Variants in FNDC7 observed in about 807,000 individuals in gnomAD.
FNDC7 encodes the protein fibronectin type III domain-containing protein 7.
Under a neutral mutation model 74.2 loss-of-function variants are expected in FNDC7, and 66 were observed. The ratio of observed to expected loss-of-function variants is 0.89; its 90% CI spans 0.73 to 1.09. The LOEUF is 1.09. FNDC7 is among the 50% of genes least tolerant of loss of function. The pLI is 0.00. For synonymous variants in FNDC7, 307 were observed against 330.2 expected (o/e 0.93, Z 0.76); for missense variants, 829 against 893.4 (o/e 0.93, Z 0.92).
chr1:108,715,667 G>GTGCA (rs1660956799), intron 2 of FNDC7, among the ~76,000 whole-genome samples: 1 of 111,756 alleles, frequency 8.9e-6, no homozygotes, highest in Non-Finnish European at 2.1e-5. Flanking sequence ...GTGCGTGCGC[G>GTGCA]CGCGCACACA....
At chr1:108,733,645 C>A in intron 10 of FNDC7, 113 bp downstream of exon 10, 185 of 728,692 alleles carry the variant, frequency 2.5e-4, no homozygotes, top group Middle Eastern at 4.6e-4. Context: ...TATAAAATTT[C>A]TTTCTTTTTT....
chr1:108,732,331 G>A (rs1018563754), intron 9 of FNDC7, among the ~76,000 whole-genome samples: 141 of 113,912 alleles, frequency 1.2e-3, no homozygotes, highest in African/African-American at 5.0e-3. Flanking sequence ...AACAGAGCGA[G>A]ACTCCGTCTC....
chr1:108,730,247 C>T (rs976754208), intron 8 of FNDC7, among the ~76,000 whole-genome samples: 11 of 151,712 alleles, frequency 7.3e-5, no homozygotes, highest in Non-Finnish European at 1.5e-4. Context: ...CATGGTGGCA[C>T]GCACCTGTAG....
intron 10 of FNDC7, among the ~76,000 whole-genome samples, chr1:108,736,502 A>G (rs1310462591): frequency 6.6e-6 from 1 of 152,226 alleles, no homozygotes; most frequent in Non-Finnish European, 1.5e-5. Context: ...GTTGCCTGAT[A>G]TATTTGAAAT....
In FNDC7 at chr1:108,722,330, T is replaced by C; in HGVS notation, c.599-5T>C. On this transcript the variant is annotated splice_region_variant and splice_polypyrimidine_tract_variant and intron_variant, in intron 4 of 12. Transcript: ENST00000370017. ...CAAAATCTTAATTGTTTCTCTAAAATGTAGGTCCTCGGGCCCCTGCCAACA... is the reference window on the plus strand; with the variant it reads ...CAAAATCTTAATTGTTTCTCTAAAACGTAGGTCCTCGGGCCCCTGCCAACA... The C allele has an allele frequency of 6.3e-7, 1 of 1,586,152 alleles. No individual in the cohort carries two copies. Among genetic ancestry groups the C allele is most frequent in the Non-Finnish European group, 8.6e-7 (1 of 1,166,532 alleles).
rs909749208 is a variant in FNDC7 at position 108,722,627 on chromosome 1, G to A, written c.856+35G>A. ...CAAGAGTGAGACTGCTGTCGGGCTTGCAGCCCTGACTGCTGTAAGGGAGAC... is the reference window on the plus strand; with the variant it reads ...CAAGAGTGAGACTGCTGTCGGGCTTACAGCCCTGACTGCTGTAAGGGAGAC... On this transcript the variant is annotated intron_variant, in intron 5 of 12. Transcript: ENST00000370017. 5 of 1,586,038 alleles carry A rather than the reference G, an allele frequency of 3.2e-6. No homozygotes were observed. The African/African-American group carries it at 6.7e-5, about 21-fold the overall frequency.
rs1661673143 is a variant in FNDC7, at chr1:108,742,528, G to C, written c.*641G>C. ...ATCTATGGGAGCATCTGGGAAAGCA[G>C]AGCTGCCAGCCTGTTGCTAGAAGGG... On this transcript the variant is annotated 3_prime_UTR_variant, in exon 13 of 13. Coordinates refer to ENST00000370017, the MANE Select transcript of FNDC7 (RefSeq NM_001144937.3). 6.6e-6 allele frequency: 1 copy of C among 152,234 alleles called. No homozygotes were observed. The highest frequency in any genetic ancestry group is 1.5e-5 in the Non-Finnish European group (1 of 68,050). 9.4% of individuals were successfully genotyped at this position (152,234 alleles called of 1,614,324 possible). A position where few individuals can be genotyped will look rare whatever the true frequency, so the allele number is the denominator to read the frequency against.
chr1:108,727,038 A>G (rs528068132), intron 6 of FNDC7, among the ~76,000 whole-genome samples: 1 of 152,272 alleles, frequency 6.6e-6, no homozygotes, highest in African/African-American at 2.4e-5. Flanking sequence ...AGACCTACCT[A>G]TATACGGCCG....
chr1:108,732,410 T>C (rs1661408614), intron 9 of FNDC7, among the ~76,000 whole-genome samples: 1 of 151,686 alleles, frequency 6.6e-6, no homozygotes, highest in Non-Finnish European at 1.5e-5. Flanking sequence ...ACTTGGTCAC[T>C]GGCATGTTGT....
chr1:108,739,035 T>C (rs185226613), intron 11 of FNDC7, among the ~76,000 whole-genome samples: 1 of 151,912 alleles, frequency 6.6e-6, no homozygotes, highest in Admixed American at 6.6e-5. Context: ...GTGTCCTAGG[T>C]CCCCAGGGGA....
intron 3 of FNDC7, 68 bp downstream of exon 3, chr1:108,718,099 G>A (rs1661020164): frequency 3.3e-6 from 5 of 1,522,894 alleles, no homozygotes; most frequent in Non-Finnish European, 3.5e-6. Flanking sequence ...TCCTGGTGCT[G>A]CAAATGCAGA....
chr1:108,725,357 G>A (rs988555829), intron 5 of FNDC7, among the ~76,000 whole-genome samples: 1 of 152,042 alleles, frequency 6.6e-6, no homozygotes, highest in African/African-American at 2.4e-5. Context: ...GTAACTTCTG[G>A]GATATTCATT....
intron 4 of FNDC7, among the ~76,000 whole-genome samples, chr1:108,719,386 G>T (rs1027585253): frequency 4.6e-5 from 7 of 152,182 alleles, no homozygotes; most frequent in Non-Finnish European, 1.0e-4. Context: ...CTGGGTTCAG[G>T]CCAATTAGTA....
At chr1:108,718,711 C>A in intron 3 of FNDC7, 78 bp from the exon 4 acceptor site, 1 of 1,413,276 alleles carries the variant, frequency 7.1e-7, no homozygotes, top group African/African-American at 1.4e-5. Flanking sequence ...TTATGGATAT[C>A]AATTTACTTG....
At chr1:108,718,127 A>G in intron 3 of FNDC7, 96 bp downstream of exon 3, 1 of 1,446,322 alleles carries the variant, frequency 6.9e-7, no homozygotes, top group Non-Finnish European at 9.4e-7. Flanking sequence ...TTGGTGTCAC[A>G]TGAGTGCCTA....
At chr1:108,737,292 A>G (rs1661537099) in intron 10 of FNDC7, among the ~76,000 whole-genome samples, 1 of 152,134 alleles carries the variant, frequency 6.6e-6, no homozygotes, top group Admixed American at 6.5e-5. Flanking sequence ...GCTTATTCTT[A>G]CTGCTTTTCA....
At chr1:108,713,461 C>G in intron 1 of FNDC7, 50 bp from the exon 2 acceptor site, 3 of 1,503,270 alleles carry the variant, frequency 2.0e-6, no homozygotes, top group Non-Finnish European at 2.7e-6. Context: ...TACGTTTGTT[C>G]AAGTTGTGTT....
intron 5 of FNDC7, among the ~76,000 whole-genome samples, chr1:108,722,913 GTGCATACAGATAAC>G (rs1661127523): frequency 6.6e-6 from 1 of 152,066 alleles, no homozygotes; most frequent in Non-Finnish European, 1.5e-5. Flanking sequence ...AGCTCTAACT[GTGCATACAGATAAC>G]TGCGTCTTCT....
intron 11 of FNDC7, among the ~76,000 whole-genome samples, chr1:108,739,550 C>G (rs1255952220): frequency 6.6e-6 from 1 of 152,220 alleles, no homozygotes; most frequent in Admixed American, 6.5e-5. Context: ...GGGCCCCATC[C>G]TGACCTACTA....
Sources: allele counts gnomAD v4.1 joint callset (sites outside exome capture counted in the v4.1 genomes callset), GRCh38; gene constraint gnomAD v4.1.1; transcripts MANE v1.5; gene names NCBI Gene and HGNC (gene_info 2026-07-23, HGNC 2026-07-21).